TTC17: variants seen among roughly 807,000 people sequenced by gnomAD.
The protein encoded by TTC17 is tetratricopeptide repeat protein 17.
Under a neutral mutation model 143.8 loss-of-function variants are expected in TTC17, and 58 were observed. The observed-to-expected ratio is 0.40, with a 90% CI of 0.33 to 0.50. The LOEUF (loss-of-function observed/expected upper bound fraction) is 0.50. Among genes scored for constraint, TTC17 ranks in the 20% least tolerant of loss-of-function variants. The pLI, the probability that TTC17 is intolerant of heterozygous loss-of-function variation, is 0.49. For synonymous variants in TTC17, 501 were observed against 497.8 expected (o/e 1.01, Z -0.09); for missense variants, 1,273 against 1,392.5 (o/e 0.91, Z 1.37).
intron 21 of TTC17, among the ~76,000 whole-genome samples, chr11:43,458,079 G>A (rs1379983395): frequency 6.6e-6 from 1 of 152,132 alleles, no homozygotes; most frequent in Non-Finnish European, 1.5e-5. Context: ...CAAACAAATG[G>A]CTGTTTACTA....
chr11:43,406,786 G>T (rs997747790), intron 13 of TTC17, among the ~76,000 whole-genome samples: 1 of 152,166 alleles, frequency 6.6e-6, no homozygotes, highest in African/African-American at 2.4e-5. Context: ...TATTTTCCAG[G>T]AAGGAAAGAC....
rs189988788 is a variant in TTC17 at position 43,380,721 on chromosome 11, T to G, written c.249+1399T>G. Among the ~76,000 whole-genome samples the G allele has an allele frequency of 1.2e-3, 179 of 152,364 alleles. 1 individual carries two copies. Among genetic ancestry groups the G allele is most frequent in the Non-Finnish European group, 1.9e-3 (126 of 68,032 alleles). On this transcript the variant is annotated intron_variant, in intron 2 of 23. Coordinates refer to ENST00000039989, the MANE Select transcript of TTC17 (RefSeq NM_018259.6). ...TCTGTGAATTAAGAGAGAGAAGACT[T>G]TAGCACATGGTAACCAGCTCTGCCT...
Position 43,396,735 on chromosome 11 carries a change from C to T in TTC17, c.690C>T (p.Asn230=), listed in dbSNP as rs1462201437. The T allele has an allele frequency of 5.0e-6, 8 of 1,607,276 alleles. No homozygotes were observed. The highest frequency in any genetic ancestry group is 2.2e-5 in the East Asian group (1 of 44,678). Residue 230 remains asparagine, a synonymous_variant, in exon 6 of 24, where the codon AAC becomes AAT. Transcript: ENST00000039989. ...QKNTSSWVLY[N]MASFYWRIKN... is the part of the protein sequence containing the mutation. ...ACACTTCCTCGTGGGTACTGTATAA[C>T]ATGGCTTCATTTTACTGGAGAATTA... is the stretch of plus-strand genomic sequence containing the variant.
chr11:43,360,284 C>G (rs768482045), intron 1 of TTC17, among the ~76,000 whole-genome samples: 1 of 152,146 alleles, frequency 6.6e-6, no homozygotes, highest in Non-Finnish European at 1.5e-5. Flanking sequence ...AAGAAAAGAC[C>G]GTGTTCCTAT....
intron 19 of TTC17, chr11:43,448,507 A>T (rs778692715): frequency 4.3e-5 from 7 of 161,220 alleles, no homozygotes; most frequent in Non-Finnish European, 8.1e-5. Flanking sequence ...GATGCCTCTG[A>T]TAACTGCTTT....
intron 16 of TTC17, among the ~76,000 whole-genome samples, chr11:43,432,076 T>C (rs1240340602): frequency 6.6e-6 from 1 of 152,224 alleles, no homozygotes; most frequent in African/African-American, 2.4e-5. Context: ...AAATAAGTGG[T>C]TACCCAACTC....
At chr11:43,443,237 C>T (rs571986348) in intron 16 of TTC17, 88 bp from the exon 17 acceptor site, 20 of 1,510,076 alleles carry the variant, frequency 1.3e-5, no homozygotes, top group Non-Finnish European at 1.7e-5. Flanking sequence ...AGAGCCAAAA[C>T]GTTTCTCCAA....
chr11:43,395,730 A>G (rs1443121199), intron 5 of TTC17, among the ~76,000 whole-genome samples: 1 of 152,238 alleles, frequency 6.6e-6, no homozygotes. Context: ...AGCTACGTTT[A>G]ACTAAATTCA....
At chr11:43,437,196 C>T (rs1947312449) in intron 16 of TTC17, among the ~76,000 whole-genome samples, 1 of 152,038 alleles carries the variant, frequency 6.6e-6, no homozygotes, top group South Asian at 2.1e-4. Context: ...CATATTGGCC[C>T]TATTTTCTGA....
chr11:43,397,536 T>TC, intron 7 of TTC17, 45 bp downstream of exon 7: 1 of 1,438,292 alleles, frequency 7.0e-7, no homozygotes, highest in Middle Eastern at 1.8e-4. Flanking sequence ...GTTGCCACTT[T>TC]CTTTTTTTTT....
intron 21 of TTC17, among the ~76,000 whole-genome samples, chr11:43,452,120 A>G (rs1947669608): frequency 6.6e-6 from 1 of 152,236 alleles, no homozygotes; most frequent in Non-Finnish European, 1.5e-5. Flanking sequence ...GCAAAATTCT[A>G]CTACCTGAAG....
At chr11:43,480,758 T>C (rs1437440088) in intron 21 of TTC17, among the ~76,000 whole-genome samples, 1 of 152,086 alleles carries the variant, frequency 6.6e-6, no homozygotes, top group Non-Finnish European at 1.5e-5. Context: ...ATACATTGTT[T>C]AGACTTTGTT....
At chr11:43,394,864 C>CA (rs1045335870) in intron 5 of TTC17, among the ~76,000 whole-genome samples, 1 of 151,648 alleles carries the variant, frequency 6.6e-6, no homozygotes, top group African/African-American at 2.4e-5. Flanking sequence ...GGAAAGCCAG[C>CA]AAAAAAGACC....
chr11:43,402,020 TAAATAAATAAAG>T (rs1857883791), intron 10 of TTC17, among the ~76,000 whole-genome samples: 1 of 137,706 alleles, frequency 7.3e-6, no homozygotes, highest in African/African-American at 3.3e-5. Flanking sequence ...AATAAATAAA[TAAATAAATAAAG>T]AGCGAGAGAG....
Position 43,492,173 on chromosome 11 carries a change from G to GA in TTC17, c.3294+10_3294+11insA. ...TGTCTACGTGGCAATGGTGAGATGGGGGTGTGAGCAGTATGTACCAACTCT... is the reference window on the plus strand; with the variant it reads ...TGTCTACGTGGCAATGGTGAGATGGGAGGTGTGAGCAGTATGTACCAACTCT... On this transcript the variant is annotated intron_variant, in intron 23 of 23. Coordinates refer to ENST00000039989, the MANE Select transcript of TTC17 (RefSeq NM_018259.6). 1 of 1,613,742 alleles carries GA rather than the reference G, an allele frequency of 6.2e-7. No homozygotes were observed. The highest frequency in any genetic ancestry group is 8.5e-7 in the Non-Finnish European group (1 of 1,179,814).
At position 43,358,934 on chromosome 11, in the gene TTC17, C is replaced by G. The variant is rs781139931; in HGVS notation, c.-21C>G. ...GACTAGCTTCCGCTTCCGGTGTGAGCGGCCCGGCCGGGGGGGCAAGATGGC... is the reference window on the plus strand; with the variant it reads ...GACTAGCTTCCGCTTCCGGTGTGAGGGGCCCGGCCGGGGGGGCAAGATGGC... On this transcript the variant is annotated 5_prime_UTR_variant, in exon 1 of 24. Coordinates refer to ENST00000039989, the MANE Select transcript of TTC17 (RefSeq NM_018259.6). The G allele has an allele frequency of 1.9e-6, 3 of 1,557,902 alleles. No individual in the cohort carries two copies. The highest frequency in any genetic ancestry group is 2.6e-6 in the Non-Finnish European group (3 of 1,153,028).
intron 21 of TTC17, among the ~76,000 whole-genome samples, chr11:43,485,883 G>GTTTTTTTTTCTTTTTTTTTTTTTTT (rs1948370450): frequency 8.9e-6 from 1 of 112,618 alleles, no homozygotes; most frequent in Non-Finnish European, 1.8e-5. Context: ...TTGGTTTTTT[G>GTTTTTTTTTCTTTTTTTTTTTTTTT]TTTTTTTTTT....
intron 1 of TTC17, 161 bp from the exon 2 acceptor site, chr11:43,379,072 C>T: frequency 2.9e-6 from 2 of 682,460 alleles, no homozygotes; most frequent in Non-Finnish European, 5.0e-6. Flanking sequence ...CCTTTGCTAA[C>T]ATTTACATGT....
At chr11:43,470,164 T>A (rs1386459037) in intron 21 of TTC17, among the ~76,000 whole-genome samples, 1 of 152,216 alleles carries the variant, frequency 6.6e-6, no homozygotes, top group Non-Finnish European at 1.5e-5. Flanking sequence ...AGAAGGGAAC[T>A]GTACTGACCA....
Sources: gnomAD v4.1 joint callset for allele counts (sites outside exome capture counted in the v4.1 genomes callset) on GRCh38, gnomAD v4.1.1 for gene constraint, MANE v1.5 for transcripts, NCBI Gene and HGNC (gene_info 2026-07-23, HGNC 2026-07-21) for gene names.